The following ADCY1 variants were observed in gnomAD, a reference collection of about 807,000 sequenced individuals.
ADCY1 encodes the protein adenylate cyclase 1.
Under a neutral mutation model 105.4 loss-of-function variants are expected in ADCY1, and 28 were observed. The observed-to-expected ratio is 0.27, with a 90% CI of 0.20 to 0.36. The LOEUF is 0.36. Among genes scored for constraint, ADCY1 ranks in the 10% least tolerant of loss-of-function variants. ADCY1 has a pLI of 1.00. For missense variants in ADCY1, 977 were observed against 1,434.2 expected (o/e 0.68, Z 5.15); for synonymous variants, 655 against 623.8 (o/e 1.05, Z -0.75).
chr7:45,619,215 G>A (rs1266820788), intron 3 of ADCY1, among the ~76,000 whole-genome samples: 1 of 152,152 alleles, frequency 6.6e-6, no homozygotes, highest in African/African-American at 2.4e-5. Context: ...GGGAAGAGTA[G>A]GAGGAAGGAA....
chr7:45,679,498 C>A (rs1040344119), intron 10 of ADCY1, among the ~76,000 whole-genome samples: 3 of 152,182 alleles, frequency 2.0e-5, no homozygotes, highest in Non-Finnish European at 4.4e-5. Context: ...GGGCCCCCTT[C>A]TTACTCAGGA....
chr7:45,580,525 C>A (rs932742555), intron 1 of ADCY1, among the ~76,000 whole-genome samples: 1 of 152,136 alleles, frequency 6.6e-6, no homozygotes, highest in Non-Finnish European at 1.5e-5. Flanking sequence ...TTGGGGAGAC[C>A]CTGGTCAATA....
At chr7:45,695,194 C>T (rs1784857062) in intron 14 of ADCY1, among the ~76,000 whole-genome samples, 1 of 152,160 alleles carries the variant, frequency 6.6e-6, no homozygotes, top group African/African-American at 2.4e-5. Context: ...TGCCTCCTGT[C>T]CAGTATTTGG....
intron 5 of ADCY1, among the ~76,000 whole-genome samples, chr7:45,656,246 T>C (rs544449698): frequency 6.6e-6 from 1 of 150,424 alleles, no homozygotes; most frequent in South Asian, 2.1e-4. Context: ...GAGCTTGCAG[T>C]GAGGGGAGAT....
chr7:45,697,386 C>T (rs1008808990), intron 14 of ADCY1, among the ~76,000 whole-genome samples: 1 of 108,264 alleles, frequency 9.2e-6, no homozygotes, highest in Non-Finnish European at 1.8e-5. Context: ...CTCTCTTTAC[C>T]TTTTTTTTTT....
At chr7:45,685,102 C>T (rs780419621) in intron 12 of ADCY1, 34 bp downstream of exon 12, 81 of 1,580,200 alleles carry the variant, frequency 5.1e-5, no homozygotes, top group Non-Finnish European at 6.5e-5. Context: ...TGCGCTGGGG[C>T]GGGAGAGGGC....
intron 3 of ADCY1, among the ~76,000 whole-genome samples, chr7:45,611,859 T>C (rs1793602239): frequency 6.6e-6 from 1 of 152,162 alleles, no homozygotes; most frequent in African/African-American, 2.4e-5. Context: ...TTCTTCTGGA[T>C]GTTGGTGTCA....
chr7:45,707,605 T>G (rs1785146276), intron 17 of ADCY1, among the ~76,000 whole-genome samples: 1 of 152,200 alleles, frequency 6.6e-6, no homozygotes, highest in Admixed American at 6.5e-5. Flanking sequence ...TGGATAAATG[T>G]CATGCATTTA....
chr7:45,621,073 T>A (rs530871013), intron 3 of ADCY1, among the ~76,000 whole-genome samples: 2 of 152,198 alleles, frequency 1.3e-5, no homozygotes, highest in East Asian at 3.9e-4. Context: ...TTTGTTCAAA[T>A]CCTTTTTTTT....
At chr7:45,628,680 A>G (rs891868255) in intron 4 of ADCY1, among the ~76,000 whole-genome samples, 3 of 152,180 alleles carry the variant, frequency 2.0e-5, no homozygotes, top group Non-Finnish European at 4.4e-5. Context: ...GGAATCTGTC[A>G]ATTTTCCTAG....
intron 8 of ADCY1, chr7:45,664,497 G>A (rs776962993): frequency 5.8e-5 from 82 of 1,421,982 alleles, no homozygotes; most frequent in Non-Finnish European, 7.2e-5. Flanking sequence ...TCTCCTGATC[G>A]TAAACATAAT....
chr7:45,668,559 A>G (rs1335958866), intron 8 of ADCY1, among the ~76,000 whole-genome samples: 1 of 152,172 alleles, frequency 6.6e-6, no homozygotes, highest in Non-Finnish European at 1.5e-5. Flanking sequence ...TTTTGCTTCA[A>G]TGTTTATCAG....
intron 6 of ADCY1, among the ~76,000 whole-genome samples, chr7:45,659,803 T>TC (rs1446916909): frequency 6.6e-6 from 1 of 152,140 alleles, no homozygotes; most frequent in Non-Finnish European, 1.5e-5. Context: ...TGGCCCTGTG[T>TC]CCCCCACCTC....
At chr7:45,598,968 G>T (rs935788760) in intron 2 of ADCY1, among the ~76,000 whole-genome samples, 2 of 152,196 alleles carry the variant, frequency 1.3e-5, no homozygotes, top group Non-Finnish European at 2.9e-5. Flanking sequence ...AGTGGATTGG[G>T]TGGGCGTCAG....
At chr7:45,702,654 C>G (rs1785020492) in intron 14 of ADCY1, among the ~76,000 whole-genome samples, 2 of 152,348 alleles carry the variant, frequency 1.3e-5, no homozygotes, top group African/African-American at 4.8e-5. Flanking sequence ...TCACAGTGGT[C>G]TGTGAATGAG....
Position 45,678,252 on chromosome 7 carries a change from A to G in ADCY1, c.1887A>G (p.Leu629=), listed in dbSNP as rs1784497639. ...CCTTATTTGGCCTTGTCTACCTTCT[A>G]ATATTCCCACAGTGAGTATTTCTAT... The part of the protein sequence containing the change: ...LAALFGLVYL[L]IFPQSVVVLL... The change falls in exon 10 of 20, where the codon CTA becomes CTG. Residue 629 remains leucine, a synonymous_variant. Transcript: ENST00000297323. 3 of 1,613,386 alleles carry G rather than the reference A, an allele frequency of 1.9e-6. No homozygotes were observed. Among genetic ancestry groups the G allele is most frequent in the African/African-American group, 2.7e-5 (2 of 74,994 alleles).
rs956840332 is a variant in ADCY1, at chr7:45,685,957, C to T, written c.2074-5C>T. ...GCTAAGCCCCTGTGACCCCTCCCTTCCCAGGTGGGCTGCCTGCCTTGGGCC... is the reference window on the plus strand; with the variant it reads ...GCTAAGCCCCTGTGACCCCTCCCTTTCCAGGTGGGCTGCCTGCCTTGGGCC... On this transcript the variant is annotated splice_polypyrimidine_tract_variant and splice_region_variant and intron_variant, in intron 12 of 19. Transcript: ENST00000297323. The T allele has an allele frequency of 2.5e-6, 4 of 1,610,650 alleles. No homozygotes were observed. The African/African-American group carries it at 5.3e-5, about 22-fold the overall frequency.
intron 8 of ADCY1, chr7:45,664,350 T>G: frequency 1.3e-6 from 2 of 1,536,140 alleles, no homozygotes; most frequent in South Asian, 1.2e-5. Flanking sequence ...TCTCCCACCC[T>G]GCAACGGGGA....
In ADCY1 at chr7:45,662,163, C is replaced by T. The variant is rs61729596; in HGVS notation, c.1554C>T (p.Phe518=). 33,566 of 1,613,988 alleles carry T rather than the reference C, an allele frequency of 0.021. 444 individuals carry two copies. The highest frequency in any genetic ancestry group is 0.026 in the South Asian group (2,379 of 91,022). ...AGCTCATGCACTGCCGGAAAATGTT[C>T]AAGGCCGAGATCCCCTTCTCCAATG... ...LVQLMHCRKM[F]KAEIPFSNVM... The change falls in exon 8 of 20, where the codon TTC becomes TTT. Residue 518 remains phenylalanine (F), a synonymous_variant. Coordinates refer to ENST00000297323, the MANE Select transcript of ADCY1 (RefSeq NM_021116.4).
Sources: allele counts gnomAD v4.1 joint callset (sites outside exome capture counted in the v4.1 genomes callset), GRCh38; gene constraint gnomAD v4.1.1; transcripts MANE v1.5; gene names NCBI Gene and HGNC (gene_info 2026-07-23, HGNC 2026-07-21).